Variants in RBBP5 observed in about 807,000 individuals in gnomAD.
The protein encoded by RBBP5 is retinoblastoma-binding protein 5.
Under a neutral mutation model 72.2 loss-of-function variants are expected in RBBP5, and 5 were observed. That is an observed-to-expected ratio of 0.07 (90% CI 0.04 to 0.15). The LOEUF is 0.15. Among genes scored for constraint, RBBP5 ranks in the 10% least tolerant of loss-of-function variants. The probability of loss-of-function intolerance (pLI) is 1.00; values close to 1 mark genes in which losing one functional copy is unlikely to be tolerated. For missense variants in RBBP5, 322 were observed against 652.2 expected (o/e 0.49, Z 5.51); for synonymous variants, 209 against 237.2 (o/e 0.88, Z 1.09).
chr1:205,095,119 CAA>C, intron 12 of RBBP5, 55 bp from the exon 13 acceptor site: 1 of 1,523,730 alleles, frequency 6.6e-7, no homozygotes, highest in South Asian at 1.2e-5. Flanking sequence ...CTCATCACCC[CAA>C]CCACAACTTT....
intron 13 of RBBP5, among the ~76,000 whole-genome samples, chr1:205,090,742 G>A (rs908833357): frequency 3.9e-5 from 6 of 152,060 alleles, no homozygotes; most frequent in African/African-American, 1.5e-4. Flanking sequence ...TGGCCTAAGA[G>A]AACACTGAAT....
At chr1:205,097,217 A>G in intron 11 of RBBP5, 109 bp downstream of exon 11, 1 of 1,061,896 alleles carries the variant, frequency 9.4e-7, no homozygotes, top group Non-Finnish European at 1.4e-6. Context: ...TATCTCTTTT[A>G]GCTAATAAGC....
At chr1:205,103,499 T>A (rs535023050) in intron 5 of RBBP5, among the ~76,000 whole-genome samples, 2 of 152,216 alleles carry the variant, frequency 1.3e-5, no homozygotes, top group Non-Finnish European at 2.9e-5. Context: ...GTCTCAGTAC[T>A]GTAAGTTAAG....
chr1:205,093,493 T>C (rs1296690254), intron 13 of RBBP5, among the ~76,000 whole-genome samples: 2 of 3,668 alleles, frequency 5.5e-4, no homozygotes, highest in African/African-American at 8.1e-4. Flanking sequence ...TATATATATA[T>C]ATATATATAT....
At chr1:205,101,081 T>C (rs1655801595) in intron 6 of RBBP5, among the ~76,000 whole-genome samples, 1 of 152,192 alleles carries the variant, frequency 6.6e-6, no homozygotes, top group Admixed American at 6.5e-5. Flanking sequence ...AATACTGGTC[T>C]GTGGCCTGGG....
rs1480322822 is a variant in RBBP5, at chr1:205,096,663, GAGA to G, written c.1396+16_1396+18del. 1.6e-5 allele frequency: 26 copies of G among 1,606,900 alleles called. No homozygotes were observed. Among genetic ancestry groups the G allele is most frequent in the Non-Finnish European group, 2.1e-5 (25 of 1,175,294 alleles). On this transcript the variant is annotated intron_variant, in intron 12 of 13. Coordinates refer to ENST00000264515, the MANE Select transcript of RBBP5 (RefSeq NM_005057.4). Reference sequence around the variant, plus strand: ...AAAGTGGCGTCTGCCAGGCCAGAGGGAGAAGATGTAGCTCTTACCATCATTTGG... The same window carrying G: ...AAAGTGGCGTCTGCCAGGCCAGAGGGAGATGTAGCTCTTACCATCATTTGG...
chr1:205,111,923 C>T (rs758858437), intron 3 of RBBP5, among the ~76,000 whole-genome samples: 2 of 152,098 alleles, frequency 1.3e-5, no homozygotes, highest in Non-Finnish European at 2.9e-5. Context: ...TGTAGTTCCC[C>T]ATTGTACCAT....
Position 205,116,677 on chromosome 1 carries a change from G to A in RBBP5, c.20-794C>T, listed in dbSNP as rs534906820. 2.7e-4 allele frequency among the ~76,000 whole-genome samples: 41 copies of A among 152,280 alleles called. 1 individual carries two copies. In the South Asian group the frequency reaches 8.3e-3, roughly 31 times the overall value. ...AAAAATACAAAAATTAGCCAGGTGT[G>A]GTGGTGTGCACCTGTAATCCCAGCT... On this transcript the variant is annotated intron_variant, in intron 1 of 13. Coordinates refer to ENST00000264515, the MANE Select transcript of RBBP5 (RefSeq NM_005057.4).
At chr1:205,091,797 G>T (rs1489069828) in intron 13 of RBBP5, 1 of 151,238 alleles carries the variant, frequency 6.6e-6, no homozygotes, top group Non-Finnish European at 1.5e-5. Flanking sequence ...TGGGGCAGGG[G>T]GCCAAAACCT....
intron 1 of RBBP5, chr1:205,116,206 G>C (rs1656513337): frequency 2.3e-6 from 1 of 430,866 alleles, no homozygotes; most frequent in South Asian, 2.5e-5. Flanking sequence ...TGTCACAACA[G>C]TGGCATTTTC....
intron 13 of RBBP5, among the ~76,000 whole-genome samples, chr1:205,093,479 A>T (rs12059423): frequency 1.4e-3 from 11 of 7,846 alleles, no homozygotes; most frequent in Admixed American, 4.1e-3. Flanking sequence ...AAAAAAAAAA[A>T]ATATATATAT....
At chr1:205,098,420 AATG>A (rs1206708535) in intron 10 of RBBP5, among the ~76,000 whole-genome samples, 1 of 152,208 alleles carries the variant, frequency 6.6e-6, no homozygotes, top group African/African-American at 2.4e-5. Context: ...GGAAATACAC[AATG>A]ATATGTTAAG....
At chr1:205,112,231 T>C (rs1314077358) in intron 3 of RBBP5, among the ~76,000 whole-genome samples, 1 of 152,014 alleles carries the variant, frequency 6.6e-6, no homozygotes, top group African/African-American at 2.4e-5. Context: ...GGCAGGAGAA[T>C]TGCCTGAACC....
In RBBP5 at chr1:205,121,919, T is replaced by C. The variant is rs777553654; in HGVS notation, c.-46A>G. On this transcript the variant is annotated 5_prime_UTR_variant, in exon 1 of 14. Transcript: ENST00000264515. ...CGGTCTCAGCTCCGGCAACAACACC[T>C]TCTCCCCGGCCGGCTTCAGCAACTT... The C allele has an allele frequency of 6.2e-7, 1 of 1,606,448 alleles. No individual in the cohort carries two copies. The highest frequency in any genetic ancestry group is 8.5e-7 in the Non-Finnish European group (1 of 1,179,754).
Position 205,087,484 on chromosome 1 carries a change from C to T in RBBP5, c.*1303G>A, listed in dbSNP as rs1181406859. ...GTGCTGGGATTACAGGCGTGACCCA[C>T]CACGCCCGGCTCACCAACTGATATA... On this transcript the variant is annotated 3_prime_UTR_variant, in exon 14 of 14. Coordinates refer to ENST00000264515, the MANE Select transcript of RBBP5 (RefSeq NM_005057.4). 6.6e-6 allele frequency: 1 copy of T among 151,440 alleles called. No homozygotes were observed. The highest frequency in any genetic ancestry group is 1.5e-5 in the Non-Finnish European group (1 of 67,978). The allele number at this position is 151,440 out of a possible 1,614,324, so 9.4% of individuals were successfully genotyped here. A position where few individuals can be genotyped will look rare whatever the true frequency, so the allele number is the denominator to read the frequency against.
At chr1:205,093,485 T>A (rs1406199057) in intron 13 of RBBP5, among the ~76,000 whole-genome samples, 429 of 5,020 alleles carry the variant, frequency 0.085, 112 homozygotes, top group East Asian at 0.5. Context: ...AAAAAATATA[T>A]ATATATATAT....
At chr1:205,115,960 G>C in intron 1 of RBBP5, 77 bp from the exon 2 acceptor site, 1 of 1,613,524 alleles carries the variant, frequency 6.2e-7, no homozygotes. Flanking sequence ...ACAGTGTATA[G>C]CAGTGGCTGA....
intron 2 of RBBP5, 105 bp from the exon 3 acceptor site, chr1:205,115,066 T>C: frequency 1.0e-6 from 1 of 994,816 alleles, no homozygotes; most frequent in Non-Finnish European, 1.5e-6. Context: ...GAATATAAAT[T>C]ACACTGCATA....
intron 13 of RBBP5, 70 bp downstream of exon 13, chr1:205,094,803 A>C: frequency 7.0e-7 from 1 of 1,421,308 alleles, no homozygotes; most frequent in Non-Finnish European, 9.5e-7. Context: ...TGTTGCAGTT[A>C]AATGAAGTCA....
Sources: allele counts gnomAD v4.1 joint callset (sites outside exome capture counted in the v4.1 genomes callset), GRCh38; gene constraint gnomAD v4.1.1; transcripts MANE v1.5; gene names NCBI Gene and HGNC (gene_info 2026-07-23, HGNC 2026-07-21).